The following RINT1 variants were observed in gnomAD, a reference collection of about 807,000 sequenced individuals.
RINT1 encodes RAD50-interacting protein 1.
RINT1 carries 75 observed loss-of-function variants against 97.7 expected under a neutral mutation model. The ratio of observed to expected loss-of-function variants is 0.77; its 90% CI spans 0.64 to 0.93. The LOEUF is 0.93. Among genes scored for constraint, RINT1 ranks in the 40% least tolerant of loss-of-function variants. The pLI is 0.00. For synonymous variants in RINT1, 303 were observed against 326.3 expected, an observed-to-expected ratio of 0.93 and a Z score of 0.77; for missense variants, 892 against 925.2, an observed-to-expected ratio of 0.96 and a Z score of 0.47.
At chr7:105,556,303 G>C (rs1021484868) in intron 11 of RINT1, among the ~76,000 whole-genome samples, 16 of 151,790 alleles carry the variant, frequency 1.1e-4, no homozygotes, top group African/African-American at 3.9e-4. Context: ...CTGACCTCAG[G>C]TGATCCACCT....
intron 1 of RINT1, among the ~76,000 whole-genome samples, 171 bp downstream of exon 1, chr7:105,532,528 G>A (rs540889240): frequency 6.6e-6 from 1 of 152,206 alleles, no homozygotes; most frequent in Non-Finnish European, 1.5e-5. Flanking sequence ...GGTAGTCCCC[G>A]TGAAGTGGCT....
At chr7:105,553,887 ATTTTTTTTTTTTTTTT>A (rs776924728) in intron 10 of RINT1, among the ~76,000 whole-genome samples, 5 of 71,122 alleles carry the variant, frequency 7.0e-5, no homozygotes, top group East Asian at 3.1e-4. Context: ...TACCCAGCTA[ATTTTTTTTTTTTTTTT>A]TTTTTTTTTT....
At chr7:105,538,496 T>C (rs1249702877) in intron 3 of RINT1, among the ~76,000 whole-genome samples, 2 of 152,218 alleles carry the variant, frequency 1.3e-5, no homozygotes, top group Non-Finnish European at 2.9e-5. Flanking sequence ...CAGGTTGTTG[T>C]GGGCCCAGTT....
chr7:105,535,814 A>C (rs1257217101), intron 2 of RINT1: 3 of 258,314 alleles, frequency 1.2e-5, no homozygotes, highest in Non-Finnish European at 2.3e-5. Flanking sequence ...CTGGGATTAC[A>C]GGTGTGAGCC....
intron 2 of RINT1, among the ~76,000 whole-genome samples, chr7:105,534,283 G>C (rs952711013): frequency 6.6e-6 from 1 of 152,014 alleles, no homozygotes; most frequent in African/African-American, 2.4e-5. Flanking sequence ...TGGTTAGGCT[G>C]GTCTTGAACT....
chr7:105,535,590 C>T, intron 2 of RINT1: 1 of 454,640 alleles, frequency 2.2e-6, no homozygotes, highest in Non-Finnish European at 4.4e-6. Flanking sequence ...TCTTGCTCTG[C>T]TGTCCAGGCT....
intron 3 of RINT1, chr7:105,542,179 AAAAAG>A (rs901974769): frequency 8.3e-6 from 3 of 363,380 alleles, no homozygotes; most frequent in Non-Finnish European, 1.5e-5. Flanking sequence ...AAGAAAAAAA[AAAAAG>A]AAAAGCCAGG....
At chr7:105,536,209 A>C (rs999622058) in intron 2 of RINT1, among the ~76,000 whole-genome samples, 1 of 152,038 alleles carries the variant, frequency 6.6e-6, no homozygotes, top group Non-Finnish European at 1.5e-5. Flanking sequence ...CCCAGGCTGG[A>C]GTGCAGTGGT....
At position 105,532,937 on chromosome 7, in the gene RINT1, T is replaced by C. The variant is rs1274503607; in HGVS notation, c.88+68T>C. ...ACTCAGCCTTCCAGGGTCTGCAATA[T>C]AGAAAGGTTCTTTGCCTATCTTTTA... On this transcript the variant is annotated intron_variant, in intron 2 of 14. Transcript: ENST00000257700. The C allele has an allele frequency of 2.8e-6, 4 of 1,449,304 alleles. No individual in the cohort carries two copies. In the Admixed American group the frequency reaches 5.0e-5, roughly 18 times the overall value. 89.8% of individuals were successfully genotyped at this position (1,449,304 alleles called of 1,614,324 possible).
chr7:105,565,591 G>A lies in RINT1; in HGVS notation c.2129G>A (p.Arg710Gln), dbSNP rs1200845297. The stretch of plus-strand genomic sequence containing the variant: ...GCCCAGCTGCAGTTTGATATGACTC[G>A]GAATCTTTTCCCTTTGTTTTCTCAC... The part of the protein sequence containing the change: ...GAAQLQFDMT[R>Q]NLFPLFSHYC... The change falls in exon 14 of 15, where the codon CGG becomes CAG. Residue 710 changes from arginine to glutamine, a missense_variant. Physicochemically the swap from Arg to Gln is conservative, Grantham distance 43. Coordinates refer to ENST00000257700, the MANE Select transcript of RINT1 (RefSeq NM_021930.6). The A allele has an allele frequency of 3.0e-5, 49 of 1,613,714 alleles. No homozygotes were observed. Among genetic ancestry groups the A allele is most frequent in the Non-Finnish European group, 3.7e-5 (44 of 1,179,894 alleles).
intron 6 of RINT1, among the ~76,000 whole-genome samples, chr7:105,548,019 A>T (rs1383698585): frequency 6.7e-6 from 1 of 150,210 alleles, no homozygotes; most frequent in African/African-American, 2.5e-5. Flanking sequence ...GAGCCACTGC[A>T]CCTGGCTCAT....
Position 105,547,333 on chromosome 7 carries a change from C to T in RINT1, c.839C>T (p.Ser280Leu), listed in dbSNP as rs765492463. 1.2e-5 allele frequency: 20 copies of T among 1,613,436 alleles called. No homozygotes were observed. The highest frequency in any genetic ancestry group is 2.2e-5 in the East Asian group (1 of 44,888). Residue 280 changes from serine (S) to leucine (L), a missense_variant and splice_region_variant, in exon 6 of 15, where the codon TCA (serine) becomes TTA (leucine). Ser to Leu is a moderately radical substitution (Grantham distance 145). Transcript: ENST00000257700. ...TGTCAGCTTTTGAAACTACAAACCT[C>T]GTATCTTTGTTGCAGCTGAAAACTT... ...LFCQLLKLQT[S>L]DELLTEPKQL...
intron 11 of RINT1, among the ~76,000 whole-genome samples, chr7:105,559,596 C>T (rs536123488): frequency 5.3e-5 from 8 of 149,740 alleles, no homozygotes; most frequent in Non-Finnish European, 1.0e-4. Flanking sequence ...TGGCGGACGC[C>T]TATAATCCCA....
chr7:105,565,529 G>C lies in RINT1; in HGVS notation c.2068-1G>C, dbSNP rs755009395. 1.9e-6 allele frequency: 3 copies of C among 1,611,716 alleles called. No homozygotes were observed. Among genetic ancestry groups the C allele is most frequent in the Non-Finnish European group, 2.5e-6 (3 of 1,178,114 alleles). On this transcript the variant is annotated splice_acceptor_variant, in intron 13 of 14. Transcript: ENST00000257700. LOFTEE classifies it high-confidence loss of function. The stretch of plus-strand genomic sequence containing the variant: ...GTTATATGAATTATTCTTTGTTTCA[G>C]ATAATTCTTGCTAATCACTTCAATG...
intron 11 of RINT1, among the ~76,000 whole-genome samples, chr7:105,559,651 C>T (rs1198298010): frequency 6.6e-6 from 1 of 151,344 alleles, no homozygotes; most frequent in Admixed American, 6.6e-5. Flanking sequence ...AACCGGGAGG[C>T]AGAGGTTGCA....
rs2133387537 is a variant in RINT1 at position 105,547,217 on chromosome 7, G to T, written c.723G>T (p.Trp241Cys). 6.2e-7 allele frequency: 1 copy of T among 1,614,126 alleles called. No individual in the cohort carries two copies. The highest frequency in any genetic ancestry group is 1.1e-5 in the South Asian group (1 of 91,084). The change falls in exon 6 of 15, where the codon TGG becomes TGT. Residue 241 changes from tryptophan to cysteine, a missense_variant. Trp to Cys is a radical substitution (Grantham distance 215). Transcript: ENST00000257700. ...DFEEILAQLH[W>C]PFIAPPQSQT... The stretch of plus-strand genomic sequence containing the variant: ...AGGAAATTTTAGCACAGCTTCATTG[G>T]CCATTCATCGCACCCCCTCAATCAC...
chr7:105,537,125 A>AT (rs5886357), intron 3 of RINT1, among the ~76,000 whole-genome samples: 1,791 of 113,264 alleles, frequency 0.016, 14 homozygotes, highest in Non-Finnish European at 0.023. Flanking sequence ...CATCATTTCA[A>AT]TTTTTTTTTT....
At chr7:105,542,770 AGTT>A (rs1159632361) in intron 4 of RINT1, 121 bp downstream of exon 4, 39 of 1,045,972 alleles carry the variant, frequency 3.7e-5, no homozygotes, top group Admixed American at 7.3e-5. Flanking sequence ...TAATTTTACC[AGTT>A]GTTGTGAAAA....
intron 11 of RINT1, 74 bp downstream of exon 11, chr7:105,555,301 G>C: frequency 8.0e-7 from 1 of 1,254,394 alleles, no homozygotes; most frequent in Non-Finnish European, 1.1e-6. Context: ...TCAAAATGTT[G>C]AATCTATTGC....
Sources: gnomAD v4.1 joint callset for allele counts (sites outside exome capture counted in the v4.1 genomes callset) on GRCh38, gnomAD v4.1.1 for gene constraint, MANE v1.5 for transcripts, NCBI Gene and HGNC (gene_info 2026-07-23, HGNC 2026-07-21) for gene names.